PLPP3: variants seen among roughly 807,000 people sequenced by gnomAD.
PLPP3 encodes the protein phospholipid phosphatase 3.
In PLPP3, 6 loss-of-function variants were observed where a neutral mutation model predicts 29.6. The ratio of observed to expected loss-of-function variants is 0.20; its 90% CI spans 0.11 to 0.40. The LOEUF (loss-of-function observed/expected upper bound fraction) is 0.40, where lower values mean the gene tolerates loss of function less well. PLPP3 is among the 10% of genes least tolerant of loss of function. The pLI is 1.00. For synonymous variants in PLPP3, 152 were observed against 159.7 expected, an observed-to-expected ratio of 0.95 and a Z score of 0.36; for missense variants, 308 against 407.7, an observed-to-expected ratio of 0.76 and a Z score of 2.11.
intron 2 of PLPP3, among the ~76,000 whole-genome samples, chr1:56,536,649 C>A (rs966994949): frequency 3.3e-5 from 5 of 152,098 alleles, no homozygotes; most frequent in Admixed American, 1.3e-4. Context: ...GGTTAGCCTT[C>A]CTGAACTGTA....
chr1:56,559,726 T>C (rs886658133), intron 1 of PLPP3, among the ~76,000 whole-genome samples: 10 of 152,284 alleles, frequency 6.6e-5, no homozygotes, highest in Non-Finnish European at 1.0e-4. Context: ...GGATTTGAAC[T>C]TGAACCTGCA....
rs897522582 is a variant in PLPP3, at chr1:56,495,340, G to A, written c.*1211C>T. 6.6e-6 allele frequency: 1 copy of A among 152,530 alleles called. No homozygotes were observed. The highest frequency in any genetic ancestry group is 1.5e-5 in the Non-Finnish European group (1 of 68,030). 9.4% of individuals were successfully genotyped at this position (152,530 alleles called of 1,614,324 possible). ...GGTCCCTGTCTATCACCTAGAGTGG[G>A]ACCTTGCATGGAAGGACACTTACGG... On this transcript the variant is annotated 3_prime_UTR_variant, in exon 6 of 6. Transcript: ENST00000371250.
At chr1:56,578,812 C>A in intron 1 of PLPP3, 66 bp downstream of exon 1, 1 of 1,415,072 alleles carries the variant, frequency 7.1e-7, no homozygotes, top group Non-Finnish European at 9.2e-7. Context: ...CGGCCCCGGA[C>A]TGGGCTGGGA....
At chr1:56,512,236 T>A in intron 4 of PLPP3, 84 bp from the exon 5 acceptor site, 1 of 1,267,844 alleles carries the variant, frequency 7.9e-7, no homozygotes, top group Non-Finnish European at 1.0e-6. Flanking sequence ...CACACTACAT[T>A]TCTACGAACA....
intron 4 of PLPP3, among the ~76,000 whole-genome samples, chr1:56,517,776 C>T (rs532259488): frequency 6.6e-6 from 1 of 152,320 alleles, no homozygotes; most frequent in South Asian, 2.1e-4. Context: ...AAAGGACAAC[C>T]TCCAGGGGAC....
At chr1:56,569,479 G>A (rs1330836025) in intron 1 of PLPP3, among the ~76,000 whole-genome samples, 1 of 152,228 alleles carries the variant, frequency 6.6e-6, no homozygotes, top group South Asian at 2.1e-4. Context: ...GCCGCCTTTA[G>A]ATATTTCTAA....
Position 56,524,653 on chromosome 1 carries a change from T to A in PLPP3, c.298-99A>T. On this transcript the variant is annotated intron_variant, in intron 2 of 5. Coordinates refer to ENST00000371250, the MANE Select transcript of PLPP3 (RefSeq NM_003713.5). This position sits in a 1 kb window ranked among gnomAD's most constrained non-coding sequence, Gnocchi z 4.3. The stretch of plus-strand genomic sequence containing the variant: ...AACAACACAGGAGAATATTCAGTAT[T>A]TGCAAAGGAGTGTCCTAATTTTCTA... 2 of 1,343,534 alleles carry A rather than the reference T, an allele frequency of 1.5e-6. No homozygotes were observed. Among genetic ancestry groups the A allele is most frequent in the Non-Finnish European group, 1.0e-6 (1 of 975,864 alleles). 83.2% of individuals were successfully genotyped at this position (1,343,534 alleles called of 1,614,324 possible).
At chr1:56,578,439 G>A (rs1646251606) in intron 1 of PLPP3, among the ~76,000 whole-genome samples, 2 of 152,250 alleles carry the variant, frequency 1.3e-5, no homozygotes, top group Admixed American at 6.5e-5. Context: ...CCGCCGGGAA[G>A]GCAGCTCGGC....
intron 4 of PLPP3, among the ~76,000 whole-genome samples, chr1:56,515,953 C>T (rs12081589): frequency 0.17 from 25,820 of 152,034 alleles, 3,014 homozygotes; most frequent in African/African-American, 0.32. Context: ...GGAACCTGTC[C>T]GGCACAGGAC....
chr1:56,512,304 A>C, intron 4 of PLPP3, 152 bp from the exon 5 acceptor site: 1 of 701,594 alleles, frequency 1.4e-6, no homozygotes, highest in Non-Finnish European at 2.2e-6. Context: ...ACATGACCTC[A>C]AGCCAGTTAT....
At chr1:56,542,324 C>T (rs548188652) in intron 1 of PLPP3, among the ~76,000 whole-genome samples, 6 of 152,242 alleles carry the variant, frequency 3.9e-5, no homozygotes, top group African/African-American at 1.4e-4. Context: ...AGTGACCTGG[C>T]CCCAAAGCCC....
rs567518582 is a variant in PLPP3, at chr1:56,571,535, A to C, written c.139+7343T>G. ...AAAAAATGACCTTGGTATCGTTGATAATGAAATCTCCAAGGTACTTCCAAA... is the reference window on the plus strand; with the variant it reads ...AAAAAATGACCTTGGTATCGTTGATCATGAAATCTCCAAGGTACTTCCAAA... On this transcript the variant is annotated intron_variant, in intron 1 of 5. Coordinates refer to ENST00000371250, the MANE Select transcript of PLPP3 (RefSeq NM_003713.5). 3.1e-4 allele frequency among the ~76,000 whole-genome samples: 47 copies of C among 152,330 alleles called. No homozygotes were observed. The East Asian group carries it at 7.3e-3, about 24-fold the overall frequency.
intron 1 of PLPP3, among the ~76,000 whole-genome samples, chr1:56,552,300 C>T (rs962571508): frequency 2.0e-5 from 3 of 151,710 alleles, no homozygotes; most frequent in East Asian, 1.9e-4. Context: ...CTACGTGACC[C>T]GAATTTCAGG....
At chr1:56,536,921 A>G (rs1463179107) in intron 2 of PLPP3, 34 bp downstream of exon 2, 10 of 1,608,808 alleles carry the variant, frequency 6.2e-6, no homozygotes, top group Non-Finnish European at 7.6e-6. Context: ...AAGAAGTCAG[A>G]CAGGATCCAC....
chr1:56,557,179 AC>A (rs1314310025), intron 1 of PLPP3, among the ~76,000 whole-genome samples: 3 of 151,686 alleles, frequency 2.0e-5, no homozygotes, highest in Admixed American at 1.3e-4. Flanking sequence ...AGAGATCAAG[AC>A]AATCCTGGCC....
intron 1 of PLPP3, among the ~76,000 whole-genome samples, chr1:56,568,051 T>C (rs1646173302): frequency 6.6e-6 from 1 of 152,180 alleles, no homozygotes; most frequent in Admixed American, 6.5e-5. Flanking sequence ...AGACCACATA[T>C]TATATGATTA....
chr1:56,543,872 T>G (rs1557509159), intron 1 of PLPP3, among the ~76,000 whole-genome samples: 1 of 152,176 alleles, frequency 6.6e-6, no homozygotes, highest in Non-Finnish European at 1.5e-5. Flanking sequence ...AGCAACTACG[T>G]GGTAGAAATG....
At chr1:56,557,004 AAGAAAGAGAGAGAGAG>A (rs1646082874) in intron 1 of PLPP3, among the ~76,000 whole-genome samples, 1 of 4,502 alleles carries the variant, frequency 2.2e-4, no homozygotes, top group Non-Finnish European at 4.8e-4. Context: ...GAAAGAAAGA[AAGAAAGAGAGAGAGAG>A]AGAGAAAGAG....
intron 1 of PLPP3, among the ~76,000 whole-genome samples, chr1:56,562,464 C>A (rs1646137203): frequency 6.6e-6 from 1 of 152,024 alleles, no homozygotes; most frequent in African/African-American, 2.4e-5. Flanking sequence ...GCCTAAAATG[C>A]AGTCGAAAAA....
Sources: gnomAD v4.1 joint callset for allele counts (sites outside exome capture counted in the v4.1 genomes callset) on GRCh38, gnomAD v4.1.1 for gene constraint, Gnocchi (gnomAD v3.1) non-coding constraint, MANE v1.5 for transcripts, NCBI Gene and HGNC (gene_info 2026-07-23, HGNC 2026-07-21) for gene names.